Variants in ELF1 observed in about 807,000 individuals in gnomAD.
The protein encoded by ELF1 is ETS-related transcription factor Elf-1.
ELF1 carries 24 observed loss-of-function variants against 59.9 expected under a neutral mutation model. The observed-to-expected ratio is 0.40, with a 90% CI of 0.29 to 0.56. The LOEUF (loss-of-function observed/expected upper bound fraction) is 0.56, where lower values mean the gene tolerates loss of function less well. ELF1 is among the 20% of genes least tolerant of loss of function. The pLI, the probability that ELF1 is intolerant of heterozygous loss-of-function variation, is 0.44. For synonymous variants in ELF1, 248 were observed against 266.2 expected, an observed-to-expected ratio of 0.93 and a Z score of 0.67; for missense variants, 627 against 742.2, an observed-to-expected ratio of 0.84 and a Z score of 1.80.
intron 1 of ELF1, among the ~76,000 whole-genome samples, chr13:41,043,390 C>A (rs1371304027): frequency 1.3e-5 from 2 of 152,124 alleles, no homozygotes; most frequent in African/African-American, 4.8e-5. Context: ...ATGCCTATGT[C>A]CTGAATGGTA....
At chr13:40,991,119 G>A (rs1873831217) in intron 1 of ELF1, among the ~76,000 whole-genome samples, 5 of 152,140 alleles carry the variant, frequency 3.3e-5, no homozygotes, top group South Asian at 2.1e-4. Flanking sequence ...GACATTCCAC[G>A]AAATACCAGT....
In ELF1 at chr13:40,982,113, G is replaced by T; in HGVS notation, c.-59C>A. 1 of 1,586,890 alleles carries T rather than the reference G, an allele frequency of 6.3e-7. No homozygotes were observed. The highest frequency in any genetic ancestry group is 1.2e-5 in the South Asian group (1 of 86,828). ...AATTCCAAGAAGATTCACGTATCAGGCAGCAAAATCCAGTGACTGATTTGG... is the reference window on the plus strand; with the variant it reads ...AATTCCAAGAAGATTCACGTATCAGTCAGCAAAATCCAGTGACTGATTTGG... On this transcript the variant is annotated 5_prime_UTR_variant, in exon 2 of 9. Transcript: ENST00000239882.
rs968650053 is a variant in ELF1, at chr13:41,001,080, G to A, written c.-229+18148C>T. Among the ~76,000 whole-genome samples the A allele has an allele frequency of 1.2e-4, 18 of 151,388 alleles. 1 individual carries two copies. Among genetic ancestry groups the A allele is most frequent in the African/African-American group, 3.4e-4 (14 of 41,208 alleles). Reference sequence around the variant, plus strand: ...CAACCTCCACCTCCCGGGTTCAAGCGATTCTCCTGCCTCAGCCTCCCAACT... The same window carrying A: ...CAACCTCCACCTCCCGGGTTCAAGCAATTCTCCTGCCTCAGCCTCCCAACT... On this transcript the variant is annotated intron_variant, in intron 1 of 8. Transcript: ENST00000239882.
intron 1 of ELF1, among the ~76,000 whole-genome samples, chr13:41,042,365 T>C (rs1403049492): frequency 6.6e-6 from 1 of 152,162 alleles, no homozygotes; most frequent in Non-Finnish European, 1.5e-5. Context: ...ACGTGCAGGT[T>C]TGTCACATAT....
intron 1 of ELF1, among the ~76,000 whole-genome samples, chr13:40,998,163 A>C (rs190355211): frequency 2.6e-5 from 4 of 152,128 alleles, no homozygotes; most frequent in Non-Finnish European, 5.9e-5. Flanking sequence ...AAAACAAAAG[A>C]AGCAGCAAAA....
intron 1 of ELF1, among the ~76,000 whole-genome samples, chr13:40,996,433 C>G (rs1874131004): frequency 1.3e-5 from 2 of 152,214 alleles, no homozygotes; most frequent in Admixed American, 1.3e-4. Context: ...GGTGAATAAA[C>G]TGTAGTGCAT....
chr13:40,940,291 A>G (rs922080549), intron 8 of ELF1, among the ~76,000 whole-genome samples: 3 of 98,808 alleles, frequency 3.0e-5, no homozygotes, highest in African/African-American at 7.9e-5. Context: ...ACTAGTCCCA[A>G]ATTTCTGCAG....
At chr13:41,043,299 T>C (rs1876700456) in intron 1 of ELF1, among the ~76,000 whole-genome samples, 1 of 152,248 alleles carries the variant, frequency 6.6e-6, no homozygotes, top group African/African-American at 2.4e-5. Flanking sequence ...GAAGAAGCTC[T>C]TTAGTTTAAT....
At chr13:40,991,853 G>GAAAGAA (rs1301799866) in intron 1 of ELF1, among the ~76,000 whole-genome samples, 1 of 151,940 alleles carries the variant, frequency 6.6e-6, no homozygotes, top group African/African-American at 2.4e-5. Context: ...GTATGTCATT[G>GAAAGAA]AAAGAAACAT....
intron 1 of ELF1, among the ~76,000 whole-genome samples, chr13:41,040,087 G>A (rs1876542669): frequency 6.6e-6 from 1 of 152,178 alleles, no homozygotes; most frequent in Non-Finnish European, 1.5e-5. Context: ...TATCATTCCA[G>A]AAGGCAACTT....
intron 1 of ELF1, among the ~76,000 whole-genome samples, chr13:41,029,092 A>G (rs1004755482): frequency 1.3e-5 from 2 of 152,210 alleles, no homozygotes; most frequent in Non-Finnish European, 2.9e-5. Context: ...ACATAAGAGA[A>G]CAACATTCAA....
intron 1 of ELF1, among the ~76,000 whole-genome samples, chr13:41,042,407 C>T (rs1384200809): frequency 6.6e-6 from 1 of 151,872 alleles, no homozygotes; most frequent in African/African-American, 2.4e-5. Context: ...ATGCTGCATC[C>T]ATTAACTCGT....
intron 1 of ELF1, among the ~76,000 whole-genome samples, chr13:41,035,859 C>A (rs1332861400): frequency 6.7e-6 from 1 of 149,870 alleles, no homozygotes; most frequent in African/African-American, 2.5e-5. Context: ...ACAACAACAA[C>A]AACAACAACA....
chr13:40,959,326 T>C (rs1260039893), intron 2 of ELF1, among the ~76,000 whole-genome samples: 1 of 151,940 alleles, frequency 6.6e-6, no homozygotes, highest in South Asian at 2.1e-4. Flanking sequence ...TGAAACCCCA[T>C]CTCTACTAAA....
chr13:40,993,654 A>G (rs1203665087), intron 1 of ELF1, among the ~76,000 whole-genome samples: 1 of 151,830 alleles, frequency 6.6e-6, no homozygotes, highest in African/African-American at 2.4e-5. Context: ...CTAATTTTTT[A>G]TAATTTCTTT....
intron 5 of ELF1, among the ~76,000 whole-genome samples, chr13:40,945,546 C>A (rs981239935): frequency 7.2e-5 from 11 of 152,012 alleles, no homozygotes; most frequent in Non-Finnish European, 1.0e-4. Context: ...TGCATTTTTA[C>A]CAACAATGCA....
intron 5 of ELF1, 55 bp from the exon 6 acceptor site, chr13:40,943,980 G>T: frequency 1.3e-6 from 2 of 1,542,292 alleles, no homozygotes; most frequent in South Asian, 2.3e-5. Context: ...AGAGAAAATG[G>T]ACAATTCAGC....
chr13:40,958,100 C>T (rs1469927671), intron 3 of ELF1, among the ~76,000 whole-genome samples: 1 of 152,176 alleles, frequency 6.6e-6, no homozygotes, highest in African/African-American at 2.4e-5. Flanking sequence ...CCACAACATC[C>T]CTGGCCAAGA....
At chr13:40,951,562 C>T (rs1251664131) in intron 3 of ELF1, 126 bp from the exon 4 acceptor site, 3 of 568,614 alleles carry the variant, frequency 5.3e-6, no homozygotes, top group Non-Finnish European at 8.4e-6. Flanking sequence ...TATATATAAA[C>T]TATAAACACA....
Sources: gnomAD v4.1 joint callset for allele counts (sites outside exome capture counted in the v4.1 genomes callset) on GRCh38, gnomAD v4.1.1 for gene constraint, MANE v1.5 for transcripts, NCBI Gene and HGNC (gene_info 2026-07-23, HGNC 2026-07-21) for gene names.